Variants in ROBO2 observed in about 807,000 individuals in gnomAD.
ROBO2 encodes roundabout guidance receptor 2.
A neutral mutation model predicts 160.8 loss-of-function variants in ROBO2; 53 were observed. The ratio of observed to expected loss-of-function variants is 0.33; its 90% confidence interval spans 0.26 to 0.41. The LOEUF is 0.41. Among genes scored for constraint, ROBO2 ranks in the 10% least tolerant of loss-of-function variants. ROBO2 has a pLI of 1.00. For synonymous variants in ROBO2, 664 were observed against 611.7 expected, an observed-to-expected ratio of 1.09 and a Z score of -1.26; for missense variants, 1,577 against 1,722.4, an observed-to-expected ratio of 0.92 and a Z score of 1.49.
intron 2 of ROBO2, among the ~76,000 whole-genome samples, chr3:76,855,412 A>G (rs1030092928): frequency 6.6e-6 from 1 of 152,198 alleles, no homozygotes; most frequent in Non-Finnish European, 1.5e-5. Context: ...TCCATAAGCT[A>G]TCGGAGAGGG....
At chr3:76,374,578 T>C (rs1231141315) in intron 2 of ROBO2, among the ~76,000 whole-genome samples, 1 of 152,030 alleles carries the variant, frequency 6.6e-6, no homozygotes, top group Non-Finnish European at 1.5e-5. Flanking sequence ...GTAGTTGGAT[T>C]ATCAGAGAAA....
At chr3:77,642,257 G>A (rs1453475320) in intron 24 of ROBO2, among the ~76,000 whole-genome samples, 1 of 152,162 alleles carries the variant, frequency 6.6e-6, no homozygotes. Context: ...AGATTGGCAG[G>A]AGAGCTTTTG....
chr3:77,215,731 A>G (rs1029850483), intron 2 of ROBO2, among the ~76,000 whole-genome samples: 2 of 151,880 alleles, frequency 1.3e-5, no homozygotes, highest in Non-Finnish European at 2.9e-5. Context: ...TTGGTCTTTG[A>G]TGATGGTGAC....
intron 2 of ROBO2, among the ~76,000 whole-genome samples, chr3:76,209,175 G>A (rs1226080180): frequency 6.6e-6 from 1 of 152,130 alleles, no homozygotes; most frequent in Non-Finnish European, 1.5e-5. Context: ...AGATGGAAGG[G>A]CAATTGATGC....
At chr3:76,232,889 T>C (rs1248863254) in intron 2 of ROBO2, among the ~76,000 whole-genome samples, 2 of 152,074 alleles carry the variant, frequency 1.3e-5, no homozygotes, top group Admixed American at 6.6e-5. Flanking sequence ...ACAGAGAAAA[T>C]AGATAGCAAT....
chr3:77,620,251 A>G (rs1236129717), intron 22 of ROBO2, among the ~76,000 whole-genome samples: 2 of 152,128 alleles, frequency 1.3e-5, no homozygotes, highest in Non-Finnish European at 2.9e-5. Context: ...GGACTGTTTA[A>G]CAAATAATAA....
Position 77,518,808 on chromosome 3 carries a change from A to G in ROBO2, c.807-3967A>G, listed in dbSNP as rs1315207738. 2.6e-5 allele frequency among the ~76,000 whole-genome samples: 4 copies of G among 151,670 alleles called. No individual in the cohort carries two copies. The East Asian group carries it at 5.8e-4, about 22-fold the overall frequency. On this transcript the variant is annotated intron_variant, in intron 5 of 25. Transcript: ENST00000461745. Reference sequence around the variant, plus strand: ...AATGAGCATCTACTAATTCCTAGGAACTATGCTGGGCACTGTTATAGGCTA... The same window carrying G: ...AATGAGCATCTACTAATTCCTAGGAGCTATGCTGGGCACTGTTATAGGCTA...
chr3:77,104,424 A>G (rs1175014793), intron 2 of ROBO2, among the ~76,000 whole-genome samples: 1 of 152,180 alleles, frequency 6.6e-6, no homozygotes, highest in Non-Finnish European at 1.5e-5. Flanking sequence ...TTGCTCAATA[A>G]TATTTCATGG....
chr3:75,949,303 A>G (rs910315816), intron 2 of ROBO2, among the ~76,000 whole-genome samples: 5 of 151,826 alleles, frequency 3.3e-5, no homozygotes, highest in African/African-American at 7.3e-5. Flanking sequence ...GGATTCTTTC[A>G]ATTTAGAAGT....
At chr3:75,907,503 G>C (rs1946398343) in intron 1 of ROBO2, among the ~76,000 whole-genome samples, 1 of 152,102 alleles carries the variant, frequency 6.6e-6, no homozygotes, top group African/African-American at 2.4e-5. Flanking sequence ...GCTTATTAAA[G>C]GGAACTTCAG....
chr3:77,636,979 GA>G (rs1386748573), intron 24 of ROBO2, among the ~76,000 whole-genome samples: 1 of 152,170 alleles, frequency 6.6e-6, no homozygotes, highest in Non-Finnish European at 1.5e-5. Context: ...ATGTCAGATT[GA>G]AAGGTGAATT....
At chr3:76,785,456 C>T (rs2062912681) in intron 2 of ROBO2, among the ~76,000 whole-genome samples, 1 of 151,188 alleles carries the variant, frequency 6.6e-6, no homozygotes, top group African/African-American at 2.4e-5. Flanking sequence ...AATAGCTCAT[C>T]TGATAATATG....
chr3:77,163,610 T>A (rs1324930552), intron 2 of ROBO2, among the ~76,000 whole-genome samples: 1 of 152,236 alleles, frequency 6.6e-6, no homozygotes, highest in African/African-American at 2.4e-5. Context: ...CATGCTACAG[T>A]ATTTATAATA....
intron 2 of ROBO2, among the ~76,000 whole-genome samples, chr3:77,117,729 A>G (rs2074347939): frequency 6.6e-6 from 1 of 152,052 alleles, no homozygotes; most frequent in South Asian, 2.1e-4. Context: ...TGTAACTTTT[A>G]TTTTGGCTTT....
At chr3:77,533,651 C>A (rs1478340788) in intron 6 of ROBO2, among the ~76,000 whole-genome samples, 4 of 152,136 alleles carry the variant, frequency 2.6e-5, no homozygotes, top group Non-Finnish European at 5.9e-5. Context: ...AGCGGGGGCA[C>A]CCTGAATTCC....
intron 2 of ROBO2, among the ~76,000 whole-genome samples, chr3:76,781,586 G>A (rs2062648377): frequency 6.6e-6 from 1 of 150,756 alleles, no homozygotes; most frequent in Non-Finnish European, 1.5e-5. Flanking sequence ...AATATGTCAA[G>A]AGTTTTAATC....
intron 20 of ROBO2, among the ~76,000 whole-genome samples, chr3:77,606,492 T>C (rs981315377): frequency 1.3e-5 from 2 of 151,408 alleles, no homozygotes; most frequent in African/African-American, 2.5e-5. Flanking sequence ...CAAACAAGTA[T>C]ACTACAAGGC....
At chr3:76,837,118 A>G (rs1262923356) in intron 2 of ROBO2, among the ~76,000 whole-genome samples, 1 of 151,936 alleles carries the variant, frequency 6.6e-6, no homozygotes, top group Non-Finnish European at 1.5e-5. Context: ...GTGCATTTTT[A>G]TTACAACGTT....
intron 2 of ROBO2, among the ~76,000 whole-genome samples, chr3:76,506,628 A>G (rs778823243): frequency 6.6e-6 from 1 of 152,166 alleles, no homozygotes; most frequent in Non-Finnish European, 1.5e-5. Context: ...TTAATAAGAT[A>G]TTGTGATTTA....
Sources: allele counts gnomAD v4.1 joint callset (sites outside exome capture counted in the v4.1 genomes callset), GRCh38; gene constraint gnomAD v4.1.1; transcripts MANE v1.5; gene names NCBI Gene and HGNC (gene_info 2026-07-23, HGNC 2026-07-21).